DLC1: variants seen among roughly 807,000 people sequenced by gnomAD.
DLC1 encodes rho GTPase-activating protein 7.
DLC1 carries 54 observed loss-of-function variants against 140.3 expected under a neutral mutation model. The observed-to-expected ratio is 0.38, with a 90% confidence interval of 0.31 to 0.48. DLC1 has a LOEUF of 0.48. Ranked by LOEUF, DLC1 falls within the 20% of genes least tolerant of loss-of-function variation. The pLI is 0.96. For synonymous variants in DLC1, 986 were observed against 728.1 expected (o/e 1.35, Z -5.70); for missense variants, 2,536 against 1,907.0 (o/e 1.33, Z -6.14).
At chr8:13,316,719 T>G (rs1653030) in intron 4 of DLC1, among the ~76,000 whole-genome samples, 1 of 152,108 alleles carries the variant, frequency 6.6e-6, no homozygotes, top group African/African-American at 2.4e-5. Context: ...AGTTTGCAGA[T>G]TTTCTCCTCT....
intron 2 of DLC1, among the ~76,000 whole-genome samples, chr8:13,426,996 C>G (rs1838617535): frequency 1.3e-5 from 2 of 152,142 alleles, no homozygotes; most frequent in Non-Finnish European, 2.9e-5. Context: ...TGGCTTTTGT[C>G]TGATGCAGGT....
chr8:13,190,135 G>T (rs746072586), intron 5 of DLC1, among the ~76,000 whole-genome samples: 1 of 152,154 alleles, frequency 6.6e-6, no homozygotes, highest in South Asian at 2.1e-4. Flanking sequence ...GCAGGTAAAC[G>T]ATGTAAAGAC....
intron 2 of DLC1, among the ~76,000 whole-genome samples, chr8:13,407,694 G>A (rs1837627321): frequency 6.6e-6 from 1 of 152,176 alleles, no homozygotes; most frequent in Non-Finnish European, 1.5e-5. Context: ...GCTAAACCGG[G>A]AATAGAACTG....
At chr8:13,307,849 A>G (rs895658509) in intron 4 of DLC1, among the ~76,000 whole-genome samples, 7 of 152,236 alleles carry the variant, frequency 4.6e-5, no homozygotes, top group African/African-American at 1.7e-4. Flanking sequence ...AGCAAGGCAC[A>G]ATACAGGCAT....
rs182615168 is a variant in DLC1, at chr8:13,277,570, A to G, written c.1348+27699T>C. ...AAAAGTTCCAAGCACTATGAAATCA[A>G]AATATGAGCCAACTGCTTCTTTTAC... On this transcript the variant is annotated intron_variant, in intron 5 of 17. Coordinates refer to ENST00000276297, the MANE Select transcript of DLC1 (RefSeq NM_182643.3). 5.3e-5 allele frequency among the ~76,000 whole-genome samples: 8 copies of G among 152,370 alleles called. No individual in the cohort carries two copies. In the East Asian group the frequency reaches 1.2e-3, roughly 22 times the overall value.
intron 5 of DLC1, among the ~76,000 whole-genome samples, chr8:13,267,556 C>T (rs1237898604): frequency 6.6e-6 from 1 of 152,058 alleles, no homozygotes; most frequent in Non-Finnish European, 1.5e-5. Flanking sequence ...AATATGTCAC[C>T]AAAAATCAAC....
intron 4 of DLC1, among the ~76,000 whole-genome samples, chr8:13,330,227 C>A (rs1833530152): frequency 6.6e-6 from 1 of 152,090 alleles, no homozygotes; most frequent in African/African-American, 2.4e-5. Context: ...GCTGGGATTG[C>A]AGGAATAAAC....
chr8:13,600,489 G>A (rs1430953061), intron 1 of DLC1, among the ~76,000 whole-genome samples: 2 of 151,744 alleles, frequency 1.3e-5, no homozygotes, highest in African/African-American at 4.8e-5. Flanking sequence ...ATAATGCAAC[G>A]TCAAAGACGT....
intron 1 of DLC1, among the ~76,000 whole-genome samples, chr8:13,595,189 T>C (rs1442919105): frequency 6.6e-6 from 1 of 152,010 alleles, no homozygotes; most frequent in Admixed American, 6.6e-5. Context: ...TGGCCCTCAC[T>C]CCTATTCCCA....
chr8:13,113,003 A>G (rs1047574843), intron 6 of DLC1, among the ~76,000 whole-genome samples: 19 of 152,258 alleles, frequency 1.2e-4, no homozygotes. Flanking sequence ...ATGTTATTTT[A>G]GGAATTCTAA....
intron 5 of DLC1, among the ~76,000 whole-genome samples, chr8:13,303,860 A>G (rs1330276743): frequency 6.6e-6 from 1 of 152,192 alleles, no homozygotes; most frequent in Non-Finnish European, 1.5e-5. Flanking sequence ...TGACAGAATG[A>G]AGTGTTTCTC....
intron 2 of DLC1, among the ~76,000 whole-genome samples, chr8:13,432,609 G>T (rs1311521365): frequency 6.6e-6 from 1 of 152,170 alleles, no homozygotes. Context: ...CATGGAGGCT[G>T]GAAAATCTCT....
At chr8:13,376,619 A>C (rs547422083) in intron 4 of DLC1, among the ~76,000 whole-genome samples, 1 of 152,232 alleles carries the variant, frequency 6.6e-6, no homozygotes, top group African/African-American at 2.4e-5. Flanking sequence ...AGGAAGAGTG[A>C]TTTGATTTTT....
intron 2 of DLC1, among the ~76,000 whole-genome samples, chr8:13,418,556 T>C (rs1214988652): frequency 6.6e-6 from 1 of 152,208 alleles, no homozygotes; most frequent in African/African-American, 2.4e-5. Flanking sequence ...AGGGCTCTGT[T>C]GTGTTCCATT....
At chr8:13,378,859 A>C (rs1447076007) in intron 4 of DLC1, among the ~76,000 whole-genome samples, 1 of 152,052 alleles carries the variant, frequency 6.6e-6, no homozygotes, top group East Asian at 1.9e-4. Flanking sequence ...CGAATAATCC[A>C]CTCTGACAAT....
chr8:13,387,439 A>T (rs1248946310), intron 4 of DLC1, among the ~76,000 whole-genome samples: 1 of 152,020 alleles, frequency 6.6e-6, no homozygotes, highest in South Asian at 2.1e-4. Context: ...ATTTGCCTTT[A>T]AATTTAATTT....
At chr8:13,274,777 C>A (rs530330943) in intron 5 of DLC1, among the ~76,000 whole-genome samples, 2 of 151,394 alleles carry the variant, frequency 1.3e-5, no homozygotes, top group African/African-American at 4.8e-5. Flanking sequence ...TAAACCACAA[C>A]AAGATATTTT....
At chr8:13,573,606 C>T (rs1274583494) in intron 1 of DLC1, among the ~76,000 whole-genome samples, 1 of 152,154 alleles carries the variant, frequency 6.6e-6, no homozygotes. Context: ...ATGGCATTTT[C>T]ATGTTGGGAA....
At position 13,448,071 on chromosome 8, in the gene DLC1, G is replaced by A. The variant is rs183428043; in HGVS notation, c.1024-46452C>T. Among the ~76,000 whole-genome samples, 6 of 152,326 alleles carry A rather than the reference G, an allele frequency of 3.9e-5. No individual in the cohort carries two copies. In the East Asian group the frequency reaches 1.2e-3, roughly 29 times the overall value. Reference sequence around the variant, plus strand: ...ATGTTAATGACTTTACTATGCTGAAGAGTATAATTTTTGAGTGTACTATAA... The same window carrying A: ...ATGTTAATGACTTTACTATGCTGAAAAGTATAATTTTTGAGTGTACTATAA... On this transcript the variant is annotated intron_variant, in intron 2 of 17. Coordinates refer to ENST00000276297, the MANE Select transcript of DLC1 (RefSeq NM_182643.3).
Sources: gnomAD v4.1 joint callset for allele counts (sites outside exome capture counted in the v4.1 genomes callset) on GRCh38, gnomAD v4.1.1 for gene constraint, MANE v1.5 for transcripts, NCBI Gene and HGNC (gene_info 2026-07-23, HGNC 2026-07-21) for gene names.